The following REG3A variants were observed in gnomAD, a reference collection of about 807,000 sequenced individuals.
The protein encoded by REG3A is regenerating islet-derived protein 3-alpha.
A neutral mutation model predicts 20.5 loss-of-function variants in REG3A; 15 were observed. The observed-to-expected ratio is 0.73, with a 90% CI of 0.49 to 1.12. The LOEUF is 1.12. REG3A is among the 50% of genes most tolerant of loss of function. The probability of loss-of-function intolerance (pLI) is 0.00; values close to 1 mark genes in which losing one functional copy is unlikely to be tolerated. For synonymous variants in REG3A, 93 were observed against 83.2 expected, an observed-to-expected ratio of 1.12 and a Z score of -0.64; for missense variants, 224 against 213.1, an observed-to-expected ratio of 1.05 and a Z score of -0.32.
At chr2:79,158,930 C>G in intron 2 of REG3A, 161 bp from the exon 3 acceptor site, 1 of 630,086 alleles carries the variant, frequency 1.6e-6, no homozygotes, top group South Asian at 2.0e-5. Flanking sequence ...CTCAAAATAG[C>G]CGTAGTAAAT....
At position 79,157,014 on chromosome 2, in the gene REG3A, A is replaced by C; in HGVS notation, c.*212T>G. On this transcript the variant is annotated 3_prime_UTR_variant, in exon 6 of 6. Coordinates refer to ENST00000305165, the MANE Select transcript of REG3A (RefSeq NM_002580.3). Reference sequence around the variant, plus strand: ...TATACAAGACAAACAAGTGCAGACTAAAAATTTTATTGCTCTTTAAAGCCT... The same window carrying C: ...TATACAAGACAAACAAGTGCAGACTCAAAATTTTATTGCTCTTTAAAGCCT... 1.7e-6 allele frequency: 1 copy of C among 589,148 alleles called. No homozygotes were observed. Among genetic ancestry groups the C allele is most frequent in the Non-Finnish European group, 3.0e-6 (1 of 333,442 alleles). 36.5% of individuals were successfully genotyped at this position (589,148 alleles called of 1,614,324 possible). A position where few individuals can be genotyped will look rare whatever the true frequency, so the allele number is the denominator to read the frequency against.
intron 1 of REG3A, 109 bp downstream of exon 1, chr2:79,159,619 G>A (rs1673403207): frequency 1.8e-6 from 1 of 559,408 alleles, no homozygotes; most frequent in African/African-American, 1.9e-5. Flanking sequence ...CACCCTTGCT[G>A]AGTCTCAGAG....
chr2:79,157,827 C>T lies in REG3A; in HGVS notation c.334-129G>A, dbSNP rs1209399150. On this transcript the variant is annotated intron_variant, in intron 4 of 5. Transcript: ENST00000305165. ...GTTGGTCTGCTATTCCAGATGCTGC[C>T]GGTGAGTAGGAAACTCTTCCTTGAC... 17 of 1,191,292 alleles carry T rather than the reference C, an allele frequency of 1.4e-5. 1 individual carries two copies. In the Middle Eastern group the frequency reaches 1.0e-3, roughly 70 times the overall value. 73.8% of individuals were successfully genotyped at this position (1,191,292 alleles called of 1,614,324 possible).
At chr2:79,158,565 C>A in intron 3 of REG3A, 86 bp downstream of exon 3, 1 of 1,604,118 alleles carries the variant, frequency 6.2e-7, no homozygotes, top group Non-Finnish European at 8.5e-7. Context: ...TAAACGTGTT[C>A]ATCCTCATTC....
rs1360460279 is a variant in REG3A, at chr2:79,159,422, G to A, written c.-17C>T. ...AGGCAGCATAGTGTCTGCGACTTGA[G>A]GAGGCAATCAGGAGTCACTAAAGAA... On this transcript the variant is annotated 5_prime_UTR_variant, in exon 2 of 6. Coordinates refer to ENST00000305165, the MANE Select transcript of REG3A (RefSeq NM_002580.3). The A allele has an allele frequency of 2.5e-6, 4 of 1,613,410 alleles. No individual in the cohort carries two copies. The highest frequency in any genetic ancestry group is 2.2e-5 in the South Asian group (2 of 91,042).
chr2:79,159,482 C>G, intron 1 of REG3A, 43 bp from the exon 2 acceptor site: 1 of 1,411,302 alleles, frequency 7.1e-7, no homozygotes, highest in Non-Finnish European at 1.0e-6. Context: ...AGATACCCCA[C>G]TGCCTCATGT....
Position 79,158,421 on chromosome 2 carries a change from G to T in REG3A, c.238C>A (p.Leu80Ile), listed in dbSNP as rs765861996. Residue 80 changes from leucine to isoleucine, a missense_variant, in exon 4 of 6, where the codon CTC becomes ATC. Physicochemically the swap from Leu to Ile is conservative, Grantham distance 5. Transcript: ENST00000305165. ...ACGAAGGATCCCTCAGCCCCACTGA[G>T]CACAGACACCAGGTTTCCAGAGGGC... ...KRPSGNLVSVLSGAEGSFVSS... is the reference protein window; with the variant it reads ...KRPSGNLVSVISGAEGSFVSS... 1 of 1,614,166 alleles carries T rather than the reference G, an allele frequency of 6.2e-7. No homozygotes were observed. The highest frequency in any genetic ancestry group is 1.7e-5 in the Admixed American group (1 of 60,022).
Position 79,159,738 on chromosome 2 carries a change from G to T in REG3A, c.-45C>A. The stretch of plus-strand genomic sequence containing the variant: ...TCAGCTCCCACTTACCTCTCTGGTG[G>T]GATATGGTATGGTTTGTCTGGTCAG... On this transcript the variant is annotated 5_prime_UTR_variant, in exon 1 of 6. Transcript: ENST00000305165. The T allele has an allele frequency of 3.5e-6, 1 of 282,618 alleles. No homozygotes were observed. The highest frequency in any genetic ancestry group is 4.2e-5 in the Admixed American group (1 of 24,082). The allele number at this position is 282,618 out of a possible 1,614,324, so 17.5% of individuals were successfully genotyped here. A position where few individuals can be genotyped will look rare whatever the true frequency, so the allele number is the denominator to read the frequency against.
Position 79,157,267 on chromosome 2 carries a change from A to G in REG3A, c.487T>C (p.Cys163Arg). 1 of 1,614,022 alleles carries G rather than the reference A, an allele frequency of 6.2e-7. No individual in the cohort carries two copies. Among genetic ancestry groups the G allele is most frequent in the Non-Finnish European group, 8.5e-7 (1 of 1,179,924 alleles). Reference sequence around the variant, plus strand: ...CAGACATAGGGTAACCTCACATTACAGTTATAATCTTTCCACCTCAGAAAT... The same window carrying G: ...CAGACATAGGGTAACCTCACATTACGGTTATAATCTTTCCACCTCAGAAAT... Reference protein sequence around the residue: ...TAFLRWKDYNCNVRLPYVCKF... With the variant: ...TAFLRWKDYNRNVRLPYVCKF... The change falls in exon 6 of 6, where the codon TGT becomes CGT. Residue 163 changes from cysteine (C) to arginine (R), a missense_variant. Transcript: ENST00000305165.
intron 4 of REG3A, 102 bp from the exon 5 acceptor site, chr2:79,157,800 A>C (rs1572956490): frequency 2.7e-6 from 4 of 1,469,264 alleles, no homozygotes; most frequent in Non-Finnish European, 1.8e-6. Flanking sequence ...AGCATGAGGA[A>C]AGTTGGTCTG....
rs1673330207 is a variant in REG3A, at chr2:79,157,046, GTA to G, written c.*178_*179del. On this transcript the variant is annotated 3_prime_UTR_variant, in exon 6 of 6. Coordinates refer to ENST00000305165, the MANE Select transcript of REG3A (RefSeq NM_002580.3). ...TTATTGCTCTTTAAAGCCTTAGGCC[GTA>G]TGACAAAATGAAGAGACTGAAATGA... 1.6e-5 allele frequency: 10 copies of G among 619,978 alleles called. No homozygotes were observed. In the Middle Eastern group the frequency reaches 2.6e-3, roughly 159 times the overall value. The allele number at this position is 619,978 out of a possible 1,614,324, so 38.4% of individuals were successfully genotyped here. A position where few individuals can be genotyped will look rare whatever the true frequency, so the allele number is the denominator to read the frequency against.
chr2:79,157,765 A>C, intron 4 of REG3A, 67 bp from the exon 5 acceptor site: 9 of 1,562,604 alleles, frequency 5.8e-6, no homozygotes, highest in Non-Finnish European at 7.8e-6. Flanking sequence ...ATGGCCCCTT[A>C]GCTGCAACAC....
chr2:79,157,794 T>G, intron 4 of REG3A, 96 bp from the exon 5 acceptor site: 1 of 1,493,358 alleles, frequency 6.7e-7, no homozygotes, highest in South Asian at 1.3e-5. Flanking sequence ...CTCCCCAGCA[T>G]GAGGAAAGTT....
At chr2:79,158,204 C>T in intron 4 of REG3A, 122 bp downstream of exon 4, 1 of 1,172,180 alleles carries the variant, frequency 8.5e-7, no homozygotes, top group Non-Finnish European at 1.2e-6. Flanking sequence ...CCCAAATATT[C>T]CCCAGAATCT....
chr2:79,157,415 C>T, intron 5 of REG3A, 122 bp from the exon 6 acceptor site: 2 of 1,440,678 alleles, frequency 1.4e-6, no homozygotes, highest in Non-Finnish European at 1.9e-6. Context: ...GTGTCCCAAT[C>T]CAGGAGAGAG....
rs1335232843 is a variant in REG3A at position 79,158,338 on chromosome 2, A to G, written c.321T>C (p.His107=). The G allele has an allele frequency of 1.9e-6, 3 of 1,613,878 alleles. No homozygotes were observed. Among genetic ancestry groups the G allele is most frequent in the Non-Finnish European group, 2.5e-6 (3 of 1,179,910 alleles). ...NSYSYVWIGL[H]DPTQGTEPNG... ...GATATACTGGCACCTGTGTGGGGTCATGGAGCCCAATCCAGACGTATGAGT... is the reference window on the plus strand; with the variant it reads ...GATATACTGGCACCTGTGTGGGGTCGTGGAGCCCAATCCAGACGTATGAGT... The change falls in exon 4 of 6, where the codon CAT becomes CAC. Residue 107 remains histidine (H), a synonymous_variant. Transcript: ENST00000305165.
chr2:79,157,397 C>T, intron 5 of REG3A, 104 bp from the exon 6 acceptor site: 2 of 1,449,066 alleles, frequency 1.4e-6, no homozygotes, highest in Non-Finnish European at 1.9e-6. Context: ...TCTCCCTCAC[C>T]TTCACCAGTG....
chr2:79,157,113 TG>T lies in REG3A; in HGVS notation c.*112del. 1.3e-6 allele frequency: 1 copy of T among 776,320 alleles called. No homozygotes were observed. Among genetic ancestry groups the T allele is most frequent in the Non-Finnish European group, 2.3e-6 (1 of 443,258 alleles). The allele number at this position is 776,320 out of a possible 1,614,324, so 48.1% of individuals were successfully genotyped here. A position where few individuals can be genotyped will look rare whatever the true frequency, so the allele number is the denominator to read the frequency against. ...AAACAGAAGAAAGATAAGAATGAGG[TG>T]GTCAGGTTGGGGGAATTAAGCGAAT... On this transcript the variant is annotated 3_prime_UTR_variant, in exon 6 of 6. Coordinates refer to ENST00000305165, the MANE Select transcript of REG3A (RefSeq NM_002580.3).
chr2:79,158,273 T>A, intron 4 of REG3A, 53 bp downstream of exon 4: 2 of 1,586,956 alleles, frequency 1.3e-6, no homozygotes, highest in Non-Finnish European at 1.7e-6. Flanking sequence ...GGAGTGGGCC[T>A]GGGCAACAAT....
Sources: allele counts gnomAD v4.1 joint callset, GRCh38; gene constraint gnomAD v4.1.1; transcripts MANE v1.5; gene names NCBI Gene and HGNC (gene_info 2026-07-23, HGNC 2026-07-21).